Variants in ZNF75D observed in about 807,000 individuals in gnomAD.
ZNF75D encodes the protein zinc finger protein 75.
Under a neutral mutation model 33.3 loss-of-function variants are expected in ZNF75D, and 33 were observed. The ratio of observed to expected loss-of-function variants is 0.99; its 90% CI spans 0.75 to 1.32. The LOEUF (loss-of-function observed/expected upper bound fraction) is 1.32, where lower values mean the gene tolerates loss of function less well. Among genes scored for constraint, ZNF75D ranks in the 40% most tolerant of loss-of-function variants. The probability of loss-of-function intolerance (pLI) is 0.00; values close to 1 mark genes in which losing one functional copy is unlikely to be tolerated. For synonymous variants in ZNF75D, 113 were observed against 130.6 expected (o/e 0.87, Z 0.92); for missense variants, 338 against 367.5 (o/e 0.92, Z 0.66).
At chrX:135,273,891 C>T (rs2083891195) in intron 1 of ZNF75D, among the ~76,000 whole-genome samples, 1 of 112,085 alleles carries the variant, frequency 8.9e-6, no homozygotes, top group Non-Finnish European at 1.9e-5. Flanking sequence ...CTCTTCTAAA[C>T]AGGGTCAGGC....
At chrX:135,326,924 GTCCGCGGCTTCA>G (rs2084587548) in intron 1 of ZNF75D, among the ~76,000 whole-genome samples, 1 of 112,776 alleles carries the variant, frequency 8.9e-6, no homozygotes, top group African/African-American at 3.2e-5. Context: ...CACCGCGAGA[GTCCGCGGCTTCA>G]TTCTTGAAGT....
chrX:135,308,267 A>G (rs782707052), intron 1 of ZNF75D, among the ~76,000 whole-genome samples: 1 of 112,258 alleles, frequency 8.9e-6, no homozygotes, highest in African/African-American at 3.2e-5. Context: ...GGACTCAGGG[A>G]AAAAGAGAGA....
intron 1 of ZNF75D, among the ~76,000 whole-genome samples, chrX:135,263,556 C>T (rs1440754845): frequency 2.7e-5 from 3 of 112,832 alleles, no homozygotes; most frequent in African/African-American, 6.4e-5. Flanking sequence ...GTTGCTGTTT[C>T]GCAGATCGAA....
chrX:135,291,997 A>C (rs1024764561), intron 4 of ZNF75D, among the ~76,000 whole-genome samples: 5 of 111,713 alleles, frequency 4.5e-5, no homozygotes, highest in African/African-American at 1.6e-4. Context: ...CCTACAACTT[A>C]TGAGAGGGAG....
intron 1 of ZNF75D, among the ~76,000 whole-genome samples, chrX:135,338,107 G>A (rs148978557): frequency 5.4e-5 from 6 of 111,441 alleles, no homozygotes; most frequent in Middle Eastern, 9.3e-3. Context: ...ATGAGCAGAG[G>A]AGGAAGCAAC....
chrX:135,262,064 CT>C (rs1378926451), intron 1 of ZNF75D, among the ~76,000 whole-genome samples: 1 of 111,685 alleles, frequency 9.0e-6, no homozygotes, highest in East Asian at 2.8e-4. Context: ...CTTAGTTTGG[CT>C]GGATATGAAA....
chrX:135,271,975 T>A (rs1556417047), intron 1 of ZNF75D, among the ~76,000 whole-genome samples: 1 of 111,122 alleles, frequency 9.0e-6, no homozygotes, highest in African/African-American at 3.3e-5. Context: ...GAGAACTGAA[T>A]CTCATTTGGT....
chrX:135,309,761 A>G (rs1459368858), intron 1 of ZNF75D: 1 of 287,571 alleles, frequency 3.5e-6, no homozygotes, highest in African/African-American at 2.8e-5. Flanking sequence ...AGAACAATAA[A>G]CTCCTCCCAT....
chrX:135,327,300 C>T (rs1304518119), intron 1 of ZNF75D, among the ~76,000 whole-genome samples: 1 of 112,451 alleles, frequency 8.9e-6, no homozygotes, highest in African/African-American at 3.2e-5. Context: ...GTTTTATCTC[C>T]CAGACCACTG....
intron 1 of ZNF75D, among the ~76,000 whole-genome samples, chrX:135,299,747 C>T (rs1279869594): frequency 8.9e-6 from 1 of 112,234 alleles, no homozygotes; most frequent in Non-Finnish European, 1.9e-5. Context: ...TAATGTTAGC[C>T]CCTAATTTAT....
At chrX:135,318,441 G>A (rs1294435401) in intron 1 of ZNF75D, among the ~76,000 whole-genome samples, 1 of 111,076 alleles carries the variant, frequency 9.0e-6, no homozygotes, top group Non-Finnish European at 1.9e-5. Flanking sequence ...TAAAAATGTT[G>A]ATTCTGAGAA....
intron 1 of ZNF75D, among the ~76,000 whole-genome samples, chrX:135,314,687 T>A (rs151021839): frequency 8.9e-5 from 10 of 112,042 alleles, no homozygotes; most frequent in African/African-American, 2.9e-4. Context: ...GCTTTCTCTC[T>A]TCCTGATTCA....
intron 6 of ZNF75D, among the ~76,000 whole-genome samples, chrX:135,288,880 C>T (rs1274128832): frequency 3.6e-5 from 4 of 112,201 alleles, no homozygotes; most frequent in African/African-American, 6.5e-5. Flanking sequence ...ATATAAGCTA[C>T]GATATTTGTA....
downstream of ZNF75D, among the ~76,000 whole-genome samples, chrX:135,281,386 T>G (rs782445929): frequency 2.7e-5 from 3 of 110,271 alleles, no homozygotes; most frequent in African/African-American, 6.6e-5. Flanking sequence ...GCAATTTCTC[T>G]CACCTTTTTT....
chrX:135,278,776 A>T (rs2083909391), intron 1 of ZNF75D, among the ~76,000 whole-genome samples: 1 of 112,069 alleles, frequency 8.9e-6, no homozygotes, highest in Admixed American at 9.4e-5. Flanking sequence ...GTACTGTTTA[A>T]GTGATGGATT....
chrX:135,309,657 T>C (rs2084335036), intron 1 of ZNF75D: 1 of 295,464 alleles, frequency 3.4e-6, no homozygotes, highest in African/African-American at 2.7e-5. Flanking sequence ...GATGCTGCCA[T>C]AAAGCAACTC....
chrX:135,304,025 A>G (rs2084254492), intron 1 of ZNF75D, among the ~76,000 whole-genome samples: 1 of 112,549 alleles, frequency 8.9e-6, no homozygotes, highest in Non-Finnish European at 1.9e-5. Flanking sequence ...CATTTCATCA[A>G]TAATCACTGA....
chrX:135,294,697 AAC>A (rs2084099170), intron 2 of ZNF75D, among the ~76,000 whole-genome samples: 2 of 111,738 alleles, frequency 1.8e-5, no homozygotes, highest in Non-Finnish European at 3.8e-5. Context: ...TCAGAGGAAA[AAC>A]AGTTTCTATA....
intron 1 of ZNF75D, among the ~76,000 whole-genome samples, chrX:135,307,684 G>C (rs2084305727): frequency 8.9e-6 from 1 of 112,196 alleles, no homozygotes; most frequent in Non-Finnish European, 1.9e-5. Flanking sequence ...AAAGTGTGGA[G>C]TTCCACTGCT....
Sources: gnomAD v4.1 joint callset for allele counts (sites outside exome capture counted in the v4.1 genomes callset) on GRCh38, gnomAD v4.1.1 for gene constraint, MANE v1.5 for transcripts, NCBI Gene and HGNC (gene_info 2026-07-23, HGNC 2026-07-21) for gene names.